The following CAMK1D variants were observed in gnomAD, a reference collection of about 807,000 sequenced individuals.
CAMK1D encodes the protein calcium/calmodulin-dependent protein kinase type 1D.
A neutral mutation model predicts 47.7 loss-of-function variants in CAMK1D; 9 were observed. That is an observed-to-expected ratio of 0.19 (90% CI 0.11 to 0.33). The LOEUF is 0.33. Among genes scored for constraint, CAMK1D ranks in the 10% least tolerant of loss-of-function variants. CAMK1D has a pLI of 1.00. For synonymous variants in CAMK1D, 184 were observed against 184.9 expected, an observed-to-expected ratio of 0.99 and a Z score of 0.04; for missense variants, 291 against 488.7, an observed-to-expected ratio of 0.60 and a Z score of 3.81.
At chr10:12,597,867 GA>G (rs1838190631) in intron 2 of CAMK1D, among the ~76,000 whole-genome samples, 1 of 152,170 alleles carries the variant, frequency 6.6e-6, no homozygotes, top group African/African-American at 2.4e-5. Context: ...TCTACCATCA[GA>G]ACACTCAGAG....
intron 3 of CAMK1D, among the ~76,000 whole-genome samples, chr10:12,682,746 A>C (rs908533012): frequency 6.6e-6 from 1 of 152,202 alleles, no homozygotes; most frequent in Non-Finnish European, 1.5e-5. Flanking sequence ...TGAATTTCCC[A>C]GATACGGGTT....
intron 1 of CAMK1D, among the ~76,000 whole-genome samples, chr10:12,384,219 T>C (rs1838425294): frequency 6.6e-6 from 1 of 152,206 alleles, no homozygotes; most frequent in Non-Finnish European, 1.5e-5. Flanking sequence ...CTTAAATAAA[T>C]GGAAAGACGT....
intron 2 of CAMK1D, among the ~76,000 whole-genome samples, chr10:12,615,721 TG>T (rs751570444): frequency 1.4e-4 from 21 of 151,234 alleles, no homozygotes; most frequent in Non-Finnish European, 1.8e-4. Flanking sequence ...TGTGTAGGTG[TG>T]AGTGTGCATG....
intron 3 of CAMK1D, among the ~76,000 whole-genome samples, chr10:12,758,809 T>A (rs1422640332): frequency 6.6e-6 from 1 of 152,088 alleles, no homozygotes. Context: ...GGGTAAGCGT[T>A]CTTGCCAGAG....
At chr10:12,771,755 C>G (rs984201133) in intron 5 of CAMK1D, among the ~76,000 whole-genome samples, 1 of 152,164 alleles carries the variant, frequency 6.6e-6, no homozygotes, top group African/African-American at 2.4e-5. Flanking sequence ...AGTGCATGGC[C>G]AGGTGCAGTG....
At chr10:12,680,931 G>A (rs573647471) in intron 3 of CAMK1D, among the ~76,000 whole-genome samples, 36 of 150,792 alleles carry the variant, frequency 2.4e-4, no homozygotes, top group African/African-American at 6.8e-4. Context: ...CAGGCCTCAC[G>A]CTCTGTTCCT....
chr10:12,450,910 C>G (rs1833064349), intron 1 of CAMK1D, among the ~76,000 whole-genome samples: 2 of 152,230 alleles, frequency 1.3e-5, no homozygotes, highest in South Asian at 4.1e-4. Flanking sequence ...GCTGCTGGCC[C>G]CAGAGGTTAT....
chr10:12,612,919 C>A (rs891407492), intron 2 of CAMK1D, among the ~76,000 whole-genome samples: 5 of 152,074 alleles, frequency 3.3e-5, no homozygotes, highest in African/African-American at 1.2e-4. Flanking sequence ...TGATAGGGAT[C>A]CATTTTTGGA....
intron 5 of CAMK1D, among the ~76,000 whole-genome samples, chr10:12,785,270 G>T (rs983503987): frequency 1.3e-5 from 2 of 152,334 alleles, no homozygotes; most frequent in Admixed American, 6.5e-5. Context: ...GCCTTCTGTT[G>T]TGTCTGGGCC....
intron 1 of CAMK1D, among the ~76,000 whole-genome samples, chr10:12,437,337 G>A (rs181481297): frequency 5.9e-5 from 9 of 152,150 alleles, no homozygotes; most frequent in East Asian, 3.9e-4. Context: ...GATTACCGGC[G>A]TCTGCTACCA....
intron 2 of CAMK1D, among the ~76,000 whole-genome samples, chr10:12,616,035 G>T (rs1440504380): frequency 1.3e-5 from 2 of 150,694 alleles, no homozygotes; most frequent in East Asian, 2.0e-4. Flanking sequence ...GTGTGTGTGG[G>T]TGTGTGAGTG....
chr10:12,513,302 G>A (rs529835865), intron 1 of CAMK1D, among the ~76,000 whole-genome samples: 4 of 152,238 alleles, frequency 2.6e-5, no homozygotes, highest in African/African-American at 9.6e-5. Context: ...TGAGTTCTTT[G>A]GACAGGCCAT....
At chr10:12,788,991 T>C (rs1837857455) in intron 5 of CAMK1D, among the ~76,000 whole-genome samples, 2 of 152,200 alleles carry the variant, frequency 1.3e-5, no homozygotes, top group South Asian at 4.1e-4. Context: ...GTGGAGTGCA[T>C]CCCTCACTGC....
chr10:12,746,134 C>T (rs937558900), intron 3 of CAMK1D, among the ~76,000 whole-genome samples: 3 of 149,082 alleles, frequency 2.0e-5, no homozygotes, highest in Non-Finnish European at 2.9e-5. Flanking sequence ...ACTGACGAGG[C>T]GGACGGATCC....
chr10:12,792,983 C>G (rs910947015), intron 6 of CAMK1D, among the ~76,000 whole-genome samples: 11 of 151,374 alleles, frequency 7.3e-5, no homozygotes, highest in African/African-American at 2.2e-4. Context: ...CACACACACA[C>G]GCACGCACAC....
At chr10:12,535,118 A>G (rs1835927806) in intron 1 of CAMK1D, among the ~76,000 whole-genome samples, 1 of 152,192 alleles carries the variant, frequency 6.6e-6, no homozygotes, top group Non-Finnish European at 1.5e-5. Context: ...AGTGAGGCAC[A>G]GTCCCTGCTA....
At chr10:12,368,373 T>G (rs1837908490) in intron 1 of CAMK1D, among the ~76,000 whole-genome samples, 1 of 151,804 alleles carries the variant, frequency 6.6e-6, no homozygotes, top group South Asian at 2.1e-4. Flanking sequence ...ACTGCTATAC[T>G]CTAGCCTGGG....
intron 2 of CAMK1D, among the ~76,000 whole-genome samples, chr10:12,569,399 C>G (rs1186963521): frequency 1.3e-5 from 2 of 152,070 alleles, no homozygotes; most frequent in Admixed American, 6.6e-5. Flanking sequence ...TGAAATGTAT[C>G]TTTTCTACTA....
intron 2 of CAMK1D, among the ~76,000 whole-genome samples, chr10:12,582,467 A>G (rs1204196746): frequency 1.3e-5 from 2 of 152,138 alleles, no homozygotes; most frequent in Admixed American, 6.5e-5. Context: ...TTTTGGCAGT[A>G]TGATCATTTT....
Sources: allele counts gnomAD v4.1 joint callset (sites outside exome capture counted in the v4.1 genomes callset), GRCh38; gene constraint gnomAD v4.1.1; transcripts MANE v1.5; gene names NCBI Gene and HGNC (gene_info 2026-07-23, HGNC 2026-07-21).